Variants in PBRM1 observed in about 807,000 individuals in gnomAD.
PBRM1 encodes protein polybromo-1.
Under a neutral mutation model 194.5 loss-of-function variants are expected in PBRM1, and 27 were observed. The ratio of observed to expected loss-of-function variants is 0.14; its 90% CI spans 0.10 to 0.19. PBRM1 has a LOEUF of 0.19. Among genes scored for constraint, PBRM1 ranks in the 10% least tolerant of loss-of-function variants. The probability of loss-of-function intolerance (pLI) is 1.00; values close to 1 mark genes in which losing one functional copy is unlikely to be tolerated. For synonymous variants in PBRM1, 655 were observed against 693.2 expected, an observed-to-expected ratio of 0.94 and a Z score of 0.87; for missense variants, 1,466 against 2,077.2, an observed-to-expected ratio of 0.71 and a Z score of 5.72.
At chr3:52,650,372 A>C (rs560311104) in intron 6 of PBRM1, among the ~76,000 whole-genome samples, 1 of 142,210 alleles carries the variant, frequency 7.0e-6, no homozygotes, top group East Asian at 2.1e-4. Flanking sequence ...AAAAAAAAAA[A>C]AAAAAAAAAC....
intron 4 of PBRM1, among the ~76,000 whole-genome samples, chr3:52,659,350 G>C (rs35198201): frequency 0.067 from 10,206 of 151,996 alleles, 434 homozygotes; most frequent in Middle Eastern, 0.095. Context: ...TTTTTTTTCT[G>C]GTTTAAATCA....
intron 15 of PBRM1, among the ~76,000 whole-genome samples, chr3:52,611,425 A>G (rs754417247): frequency 2.2e-4 from 33 of 152,218 alleles, no homozygotes; most frequent in Non-Finnish European, 4.6e-4. Context: ...GGGAGAGAAC[A>G]GGGGATCAGA....
At chr3:52,579,880 G>A (rs887676265) in intron 20 of PBRM1, among the ~76,000 whole-genome samples, 3 of 152,158 alleles carry the variant, frequency 2.0e-5, no homozygotes, top group Non-Finnish European at 4.4e-5. Flanking sequence ...TAGTGTAAGG[G>A]GCAAATTCTA....
At chr3:52,655,108 T>C (rs1031986988) in intron 5 of PBRM1, among the ~76,000 whole-genome samples, 4 of 152,144 alleles carry the variant, frequency 2.6e-5, no homozygotes, top group African/African-American at 4.8e-5. Context: ...ACATGAAATT[T>C]GCCATTTTTA....
chr3:52,678,128 A>AT lies in PBRM1; in HGVS notation c.236+371dup, dbSNP rs376064001. Among the ~76,000 whole-genome samples, 554 of 151,108 alleles carry AT rather than the reference A, an allele frequency of 3.7e-3. 7 individuals are homozygous for AT. Among genetic ancestry groups the AT allele is most frequent in the African/African-American group, 0.013 (522 of 41,178 alleles). On this transcript the variant is annotated intron_variant, in intron 2 of 29. Coordinates refer to ENST00000296302, the Ensembl canonical transcript of PBRM1. Reference sequence around the variant, plus strand: ...CTCAAGAGATCTTTCCGCATAGGTCATTTTTTTTGTTTTTGTTTTTAAGAG... The same window carrying AT: ...CTCAAGAGATCTTTCCGCATAGGTCATTTTTTTTTGTTTTTGTTTTTAAGAG...
intron 14 of PBRM1, among the ~76,000 whole-genome samples, chr3:52,616,174 T>C (rs971875845): frequency 6.6e-6 from 1 of 152,230 alleles, no homozygotes; most frequent in African/African-American, 2.4e-5. Flanking sequence ...CATTAGCCAA[T>C]GACACTGAGG....
intron 2 of PBRM1, among the ~76,000 whole-genome samples, chr3:52,675,308 C>A (rs1432907202): frequency 1.3e-5 from 2 of 152,144 alleles, no homozygotes; most frequent in Non-Finnish European, 2.9e-5. Context: ...ACACACCAAG[C>A]CTTATGAAAC....
intron 10 of PBRM1, among the ~76,000 whole-genome samples, chr3:52,639,087 C>T (rs1395815862): frequency 3.3e-5 from 5 of 151,092 alleles, no homozygotes; most frequent in Admixed American, 6.6e-5. Context: ...CGGGTTCAAG[C>T]AATTCTTCTG....
At chr3:52,597,519 T>C (rs1465005167) in intron 17 of PBRM1, among the ~76,000 whole-genome samples, 2 of 152,218 alleles carry the variant, frequency 1.3e-5, no homozygotes, top group African/African-American at 4.8e-5. Flanking sequence ...GAGAATTTTA[T>C]ACCAGCAGTA....
chr3:52,635,051 G>A (rs1281433889), intron 10 of PBRM1, among the ~76,000 whole-genome samples: 1 of 152,030 alleles, frequency 6.6e-6, no homozygotes, highest in East Asian at 1.9e-4. Context: ...TCAGTCTCCC[G>A]AGTAGCTAAG....
intron 20 of PBRM1, among the ~76,000 whole-genome samples, chr3:52,584,925 A>T (rs7614498): frequency 0.45 from 68,896 of 151,734 alleles, 15,960 homozygotes; most frequent in Admixed American, 0.52. Flanking sequence ...ATATGAATTT[A>T]AAAAAAAATT....
chr3:52,634,810 G>C (rs147499494), exon 11 of PBRM1: 2 of 1,611,154 alleles, frequency 1.2e-6, no homozygotes, highest in South Asian at 2.2e-5. Context: ...TCTTCATAGC[G>C]TGCAGCTGGA....
chr3:52,681,844 G>T, upstream of PBRM1: 1 of 318,318 alleles, frequency 3.1e-6, no homozygotes, highest in Non-Finnish European at 4.7e-6. Context: ...ACAAGGCAGA[G>T]AAGGGGGAAA....
intron 2 of PBRM1, among the ~76,000 whole-genome samples, chr3:52,677,671 C>G (rs2097136085): frequency 6.6e-6 from 1 of 152,006 alleles, no homozygotes; most frequent in Non-Finnish European, 1.5e-5. Context: ...CCTTCGCCTC[C>G]CAAAGTGCTA....
intron 25 of PBRM1, among the ~76,000 whole-genome samples, chr3:52,559,596 G>C (rs538441998): frequency 2.0e-5 from 3 of 152,194 alleles, no homozygotes; most frequent in Non-Finnish European, 4.4e-5. Flanking sequence ...CTTTAACATG[G>C]AACTCAACAC....
intron 22 of PBRM1, among the ~76,000 whole-genome samples, chr3:52,569,130 C>T (rs893311933): frequency 6.6e-6 from 1 of 152,130 alleles, no homozygotes; most frequent in Non-Finnish European, 1.5e-5. Flanking sequence ...TCAAGTGATC[C>T]ACCCACCTCG....
At chr3:52,617,355 G>T (rs1281067046) in exon 14 of PBRM1, 3 of 1,613,330 alleles carry the variant, frequency 1.9e-6, no homozygotes, top group Non-Finnish European at 2.5e-6. Flanking sequence ...TGTCATTGCG[G>T]ATGTTATGCT....
upstream of PBRM1, among the ~76,000 whole-genome samples, chr3:52,680,350 A>C (rs2097182288): frequency 6.6e-6 from 1 of 152,216 alleles, no homozygotes; most frequent in Non-Finnish European, 1.5e-5. Context: ...AGGATCCACA[A>C]GACATATCCC....
At chr3:52,649,777 A>G (rs2153793330) in intron 6 of PBRM1, among the ~76,000 whole-genome samples, 1 of 152,316 alleles carries the variant, frequency 6.6e-6, no homozygotes, top group East Asian at 1.9e-4. Flanking sequence ...AAAGGACTAG[A>G]AAGTTTTTCA....
Sources: allele counts gnomAD v4.1 joint callset (sites outside exome capture counted in the v4.1 genomes callset), GRCh38; gene constraint gnomAD v4.1.1; transcripts MANE v1.5; gene names NCBI Gene and HGNC (gene_info 2026-07-23, HGNC 2026-07-21).